The following DOK5 variants were observed in gnomAD, a reference collection of about 807,000 sequenced individuals.
DOK5 encodes the protein downstream of tyrosine kinase 5.
A neutral mutation model predicts 43.3 loss-of-function variants in DOK5; 27 were observed. The ratio of observed to expected loss-of-function variants is 0.62; its 90% CI spans 0.46 to 0.86. The LOEUF (loss-of-function observed/expected upper bound fraction) is 0.86. Ranked by LOEUF, DOK5 falls within the 40% of genes least tolerant of loss-of-function variation. The pLI is 0.00. For missense variants in DOK5, 373 were observed against 392.9 expected, an observed-to-expected ratio of 0.95 and a Z score of 0.43; for synonymous variants, 146 against 140.1, an observed-to-expected ratio of 1.04 and a Z score of -0.30.
chr20:54,610,348 C>G, intron 5 of DOK5, 40 bp from the exon 6 acceptor site: 2 of 1,466,142 alleles, frequency 1.4e-6, no homozygotes, highest in Non-Finnish European at 1.8e-6. Flanking sequence ...AACTTCTAGG[C>G]GCTGGATTTT....
chr20:54,553,844 C>T (rs1169387875), intron 1 of DOK5, among the ~76,000 whole-genome samples: 2 of 140,370 alleles, frequency 1.4e-5, no homozygotes, highest in Admixed American at 1.5e-4. Flanking sequence ...TTGCAGTGAG[C>T]GGAGATCGCA....
At chr20:54,566,189 G>T (rs73140141) in intron 2 of DOK5, among the ~76,000 whole-genome samples, 70 of 150,224 alleles carry the variant, frequency 4.7e-4, no homozygotes, top group Admixed American at 8.7e-4. Context: ...TTTGGGATTG[G>T]CCTTCTTCAC....
At chr20:54,530,964 A>C (rs935764731) in intron 1 of DOK5, among the ~76,000 whole-genome samples, 4 of 152,196 alleles carry the variant, frequency 2.6e-5, no homozygotes, top group African/African-American at 9.6e-5. Flanking sequence ...ACTCTTGTCA[A>C]GTTGCCCTTC....
At chr20:54,539,296 A>AT (rs1197112814) in intron 1 of DOK5, among the ~76,000 whole-genome samples, 2 of 150,906 alleles carry the variant, frequency 1.3e-5, no homozygotes, top group East Asian at 3.9e-4. Flanking sequence ...AAAAAAAAAA[A>AT]AAAAAAAAAA....
At chr20:54,613,659 T>C (rs989758300) in intron 6 of DOK5, among the ~76,000 whole-genome samples, 2 of 152,206 alleles carry the variant, frequency 1.3e-5, no homozygotes, top group Admixed American at 6.5e-5. Flanking sequence ...TCATATTTTG[T>C]GGTCCTATTT....
chr20:54,620,325 G>A (rs1200972082), intron 6 of DOK5, among the ~76,000 whole-genome samples: 2 of 152,182 alleles, frequency 1.3e-5, no homozygotes, highest in Middle Eastern at 3.4e-3. Context: ...TGCAACCCCC[G>A]CCTCCCGGGT....
At chr20:54,535,293 GT>G (rs112169921) in intron 1 of DOK5, among the ~76,000 whole-genome samples, 4,193 of 148,316 alleles carry the variant, frequency 0.028, 177 homozygotes, top group African/African-American at 0.098. Flanking sequence ...TTCCTTGTGG[GT>G]TTTTTTTTTA....
chr20:54,649,307 A>G (rs1163862213), intron 7 of DOK5, among the ~76,000 whole-genome samples: 1 of 152,114 alleles, frequency 6.6e-6, no homozygotes, highest in Non-Finnish European at 1.5e-5. Flanking sequence ...CTGTGGTCCC[A>G]GTTACTTGGG....
intron 4 of DOK5, among the ~76,000 whole-genome samples, chr20:54,589,067 G>A (rs934364955): frequency 6.6e-6 from 1 of 152,126 alleles, no homozygotes; most frequent in South Asian, 2.1e-4. Context: ...CCAGTTTGGT[G>A]GAAGATGCTT....
chr20:54,616,598 A>C (rs146036933), intron 6 of DOK5, among the ~76,000 whole-genome samples: 3 of 152,216 alleles, frequency 2.0e-5, no homozygotes, highest in Non-Finnish European at 4.4e-5. Context: ...AAAGTACCAC[A>C]AACTATGCAC....
At chr20:54,589,880 T>C (rs1182769241) in intron 4 of DOK5, among the ~76,000 whole-genome samples, 1 of 152,014 alleles carries the variant, frequency 6.6e-6, no homozygotes, top group East Asian at 1.9e-4. Flanking sequence ...CCCTGGGTAA[T>C]TCAGAGGAGC....
At chr20:54,598,289 C>T (rs746483191) in intron 5 of DOK5, among the ~76,000 whole-genome samples, 54 of 152,210 alleles carry the variant, frequency 3.5e-4, no homozygotes, top group Non-Finnish European at 1.5e-5. Context: ...ATCTTGGGGG[C>T]TAATGGACAT....
chr20:54,597,116 T>C (rs376068679), intron 5 of DOK5, among the ~76,000 whole-genome samples: 1 of 152,286 alleles, frequency 6.6e-6, no homozygotes, highest in African/African-American at 2.4e-5. Context: ...TTTTAAAAAC[T>C]AACAAAATAT....
At chr20:54,560,689 C>T (rs1052411894) in intron 2 of DOK5, among the ~76,000 whole-genome samples, 35 of 152,106 alleles carry the variant, frequency 2.3e-4, no homozygotes, top group Non-Finnish European at 3.8e-4. Flanking sequence ...GGCACGATCT[C>T]GGCTCACTGC....
chr20:54,573,011 AAATCCTGACCCTACTGCAGTGGGG>A (rs1375649380), intron 2 of DOK5, among the ~76,000 whole-genome samples: 1 of 152,254 alleles, frequency 6.6e-6, no homozygotes, highest in Admixed American at 6.5e-5. Context: ...ACAGCAGACG[AAATCCTGACCCTACTGCAGTGGGG>A]AATAGAGGGA....
chr20:54,644,167 G>T (rs564831750), intron 7 of DOK5, among the ~76,000 whole-genome samples: 1 of 152,346 alleles, frequency 6.6e-6, no homozygotes, highest in East Asian at 1.9e-4. Context: ...ATGGCTTCAG[G>T]TTTGCTGAAT....
intron 7 of DOK5, among the ~76,000 whole-genome samples, chr20:54,648,938 A>G (rs565372656): frequency 1.3e-5 from 2 of 152,294 alleles, no homozygotes; most frequent in South Asian, 4.2e-4. Flanking sequence ...TCATTGCTCC[A>G]GTGTTTTCCG....
chr20:54,584,982 T>C (rs1985759213), intron 2 of DOK5, among the ~76,000 whole-genome samples: 2 of 152,176 alleles, frequency 1.3e-5, no homozygotes, highest in African/African-American at 4.8e-5. Context: ...AATACATCTT[T>C]GAAAAGTTTT....
intron 2 of DOK5, among the ~76,000 whole-genome samples, chr20:54,573,686 CAAAAAAAAAAA>C (rs1321685949): frequency 2.0e-5 from 1 of 50,968 alleles, no homozygotes; most frequent in African/African-American, 6.4e-5. Flanking sequence ...GACTCCATCT[CAAAAAAAAAAA>C]AAAAAAAAAA....
Sources: gnomAD v4.1 joint callset for allele counts (sites outside exome capture counted in the v4.1 genomes callset) on GRCh38, gnomAD v4.1.1 for gene constraint, MANE v1.5 for transcripts, NCBI Gene and HGNC (gene_info 2026-07-23, HGNC 2026-07-21) for gene names.